The following DICER1 variants were observed in gnomAD, a reference collection of about 807,000 sequenced individuals.
The protein encoded by DICER1 is endoribonuclease Dicer.
Under a neutral mutation model 194.1 loss-of-function variants are expected in DICER1, and 43 were observed. The ratio of observed to expected loss-of-function variants is 0.22; its 90% CI spans 0.17 to 0.29. The LOEUF is 0.29. Among genes scored for constraint, DICER1 ranks in the 10% least tolerant of loss-of-function variants. The pLI, the probability that DICER1 is intolerant of heterozygous loss-of-function variation, is 1.00. For missense variants in DICER1, 1,608 were observed against 2,317.0 expected (o/e 0.69, Z 6.28); for synonymous variants, 832 against 820.5 (o/e 1.01, Z -0.24).
rs1595364864 is a variant in DICER1, at chr14:95,103,611, G to T, written c.3785C>A (p.Pro1262His). ...SDGSPVMAVM[P>H]GTTDTIQVLK... ...CACTTGAATAGTGTCTGTCGTACCA[G>T]GCATTACGGCCATCACAGGACTTCC... The change falls in exon 21 of 27, where the codon CCT (proline) becomes CAT (histidine). Residue 1262 changes from proline to histidine, a missense_variant. By Grantham distance (77) the Pro-to-His change is moderately conservative. Coordinates refer to ENST00000343455, the MANE Select transcript of DICER1 (RefSeq NM_177438.3). 1.2e-6 allele frequency: 2 copies of T among 1,614,164 alleles called. No individual in the cohort carries two copies. The highest frequency in any genetic ancestry group is 1.7e-6 in the Non-Finnish European group (2 of 1,180,018).
intron 1 of DICER1, among the ~76,000 whole-genome samples, chr14:95,152,144 G>A (rs1326376998): frequency 5.3e-5 from 8 of 152,144 alleles, no homozygotes; most frequent in African/African-American, 1.4e-4. Context: ...GTCAAAGAAC[G>A]AACAAGCACA....
In DICER1 at chr14:95,132,691, G is replaced by GA. The variant is rs558991368; in HGVS notation, c.145-15dup. The GA allele has an allele frequency of 1.3e-4, 208 of 1,611,946 alleles. No individual in the cohort carries two copies. In the African/African-American group the frequency reaches 2.5e-3, roughly 19 times the overall value. On this transcript the variant is annotated splice_polypyrimidine_tract_variant and intron_variant, in intron 2 of 26. Coordinates refer to ENST00000343455, the MANE Select transcript of DICER1 (RefSeq NM_177438.3). ...AAGCAGTTCAACCTAGAAACATGGT[G>GA]AAAAAAAAGTTATGCACTTCTTACC...
At chr14:95,120,164 T>C (rs1393521309) in intron 8 of DICER1, among the ~76,000 whole-genome samples, 2 of 152,202 alleles carry the variant, frequency 1.3e-5, no homozygotes, top group Non-Finnish European at 2.9e-5. Flanking sequence ...AAATACATTA[T>C]CAACAACTCC....
chr14:95,100,553 T>C (rs894662926), intron 21 of DICER1, among the ~76,000 whole-genome samples: 4 of 152,250 alleles, frequency 2.6e-5, no homozygotes, highest in Non-Finnish European at 5.9e-5. Flanking sequence ...AGGTTTCTGT[T>C]TATTCACATT....
At chr14:95,101,807 G>A (rs1890901965) in intron 21 of DICER1, among the ~76,000 whole-genome samples, 1 of 152,180 alleles carries the variant, frequency 6.6e-6, no homozygotes, top group Non-Finnish European at 1.5e-5. Flanking sequence ...GGGATGTGTT[G>A]TCTCTTTCCC....
chr14:95,099,774 A>AAT lies in DICER1; in HGVS notation c.4206+5_4206+6insAT. ...CACACACACACACACACACACACAA[A>AAT]CTTACCATTTCATCTTTTTCCCATT... On this transcript the variant is annotated splice_donor_region_variant and intron_variant, in intron 22 of 26. Coordinates refer to ENST00000343455, the MANE Select transcript of DICER1 (RefSeq NM_177438.3). 1 of 1,597,828 alleles carries AAT rather than the reference A, an allele frequency of 6.3e-7. No homozygotes were observed. Among genetic ancestry groups the AAT allele is most frequent in the Non-Finnish European group, 8.5e-7 (1 of 1,174,578 alleles).
chr14:95,139,714 T>A (rs1894704726), intron 1 of DICER1, among the ~76,000 whole-genome samples: 1 of 152,212 alleles, frequency 6.6e-6, no homozygotes, highest in African/African-American at 2.4e-5. Context: ...GATCAAGATA[T>A]ATTTCTATTC....
chr14:95,155,232 G>A (rs1895771210), intron 1 of DICER1, among the ~76,000 whole-genome samples: 1 of 152,170 alleles, frequency 6.6e-6, no homozygotes, highest in African/African-American at 2.4e-5. Flanking sequence ...ATAACAAGGA[G>A]GCACTCAATA....
Position 95,143,905 on chromosome 14 carries a change from A to T in DICER1, c.-45-10402T>A, listed in dbSNP as rs184915660. Among the ~76,000 whole-genome samples, 609 of 152,294 alleles carry T rather than the reference A, an allele frequency of 4.0e-3. 5 individuals are homozygous for T. The highest frequency in any genetic ancestry group is 5.8e-3 in the Non-Finnish European group (392 of 67,998). ...AAATTCCATTTCTTAGAACTTAAAT[A>T]CTGGAGAAGCCCTAAAATATGCTGG... On this transcript the variant is annotated intron_variant, in intron 1 of 26. Coordinates refer to ENST00000343455, the MANE Select transcript of DICER1 (RefSeq NM_177438.3).
intron 1 of DICER1, among the ~76,000 whole-genome samples, chr14:95,134,185 T>G (rs919890566): frequency 5.3e-5 from 8 of 152,178 alleles, no homozygotes; most frequent in African/African-American, 1.7e-4. Flanking sequence ...GCACAACTAT[T>G]TAAATATGTA....
chr14:95,102,775 C>T lies in DICER1; in HGVS notation c.4050+571G>A, dbSNP rs1373564800. On this transcript the variant is annotated intron_variant, in intron 21 of 26. Transcript: ENST00000343455. ...TGCTGAGTTTAAGAGCCCGCCCTTT[C>T]TCTGAGCTATCGAGCGTTAATTACT... Among the ~76,000 whole-genome samples the T allele has an allele frequency of 2.0e-5, 3 of 152,174 alleles. No homozygotes were observed. In the East Asian group the frequency reaches 5.8e-4, roughly 29 times the overall value.
intron 21 of DICER1, among the ~76,000 whole-genome samples, chr14:95,102,048 T>G (rs975317494): frequency 2.0e-5 from 3 of 152,184 alleles, no homozygotes; most frequent in Non-Finnish European, 4.4e-5. Context: ...AGTTTCTACC[T>G]CTCAGAATTA....
chr14:95,146,607 C>G (rs143370798), intron 1 of DICER1, among the ~76,000 whole-genome samples: 2 of 152,278 alleles, frequency 1.3e-5, no homozygotes, highest in African/African-American at 4.8e-5. Flanking sequence ...GGATGCAGAA[C>G]AAGAACTCAG....
chr14:95,129,438 T>G (rs1893754973), intron 6 of DICER1, 34 bp downstream of exon 6: 1 of 1,605,164 alleles, frequency 6.2e-7, no homozygotes, highest in African/African-American at 1.3e-5. Flanking sequence ...TTTCAACTAA[T>G]CTCATTAAAG....
Position 95,090,883 on chromosome 14 carries a change from A to G in DICER1, c.5603+151T>C, listed in dbSNP as rs577775995. 504 of 972,744 alleles carry G rather than the reference A, an allele frequency of 5.2e-4. 2 individuals are homozygous for G. Among genetic ancestry groups the G allele is most frequent in the Non-Finnish European group, 7.3e-4 (466 of 636,024 alleles). 60.3% of individuals were successfully genotyped at this position (972,744 alleles called of 1,614,324 possible). On this transcript the variant is annotated intron_variant, in intron 26 of 26. Transcript: ENST00000343455. The stretch of plus-strand genomic sequence containing the variant: ...TATTTCATAAAAACAGAAGGAAAAA[A>G]GAGAAGTCAATCAGATTACAAACAG...
chr14:95,098,180 T>G (rs1345510288), intron 22 of DICER1, among the ~76,000 whole-genome samples: 1 of 152,230 alleles, frequency 6.6e-6, no homozygotes, highest in Non-Finnish European at 1.5e-5. Flanking sequence ...AGATGCTTCA[T>G]CTACAAAAGA....
intron 1 of DICER1, among the ~76,000 whole-genome samples, chr14:95,155,123 A>G (rs563079049): frequency 6.6e-6 from 1 of 152,348 alleles, no homozygotes; most frequent in Non-Finnish European, 1.5e-5. Context: ...ACTGACTCTT[A>G]GTTTCCTTGC....
In DICER1 at chr14:95,090,624, A is replaced by G. The variant is rs199574382; in HGVS notation, c.5643T>C (p.Thr1881=). 1.2e-4 allele frequency: 188 copies of G among 1,614,050 alleles called. 1 individual carries two copies. Among genetic ancestry groups the G allele is most frequent in the Middle Eastern group, 3.3e-4 (2 of 6,084 alleles). The change falls in exon 27 of 27, where the codon ACT becomes ACC. Residue 1881 remains threonine (T), a synonymous_variant. Coordinates refer to ENST00000343455, the MANE Select transcript of DICER1 (RefSeq NM_177438.3). ...ERTYDGKVRV[T]VEVVGKGKFK... is the part of the protein sequence containing the mutation. The stretch of plus-strand genomic sequence containing the variant: ...ATTTCCCCTTTCCTACTACTTCCAC[A>G]GTGACTCTGACCTTCCCGTCGTAAG...
chr14:95,132,796 T>A, intron 2 of DICER1, 119 bp from the exon 3 acceptor site: 4 of 1,017,786 alleles, frequency 3.9e-6, no homozygotes, highest in African/African-American at 1.6e-5. Flanking sequence ...TCCAATAAAT[T>A]TACAAAAAAA....
Sources: gnomAD v4.1 joint callset for allele counts (sites outside exome capture counted in the v4.1 genomes callset) on GRCh38, gnomAD v4.1.1 for gene constraint, MANE v1.5 for transcripts, NCBI Gene and HGNC (gene_info 2026-07-23, HGNC 2026-07-21) for gene names.